Variants in RAD51B observed in about 807,000 individuals in gnomAD.
RAD51B encodes DNA repair protein RAD51 homolog 2.
Under a neutral mutation model 42.2 loss-of-function variants are expected in RAD51B, and 38 were observed. The ratio of observed to expected loss-of-function variants is 0.90; its 90% CI spans 0.70 to 1.18. RAD51B has a LOEUF of 1.18. Among genes scored for constraint, RAD51B ranks in the 50% most tolerant of loss-of-function variants. The pLI is 0.00. For synonymous variants in RAD51B, 154 were observed against 145.2 expected (o/e 1.06, Z -0.43); for missense variants, 373 against 400.7 (o/e 0.93, Z 0.59).
At chr14:68,545,637 A>C in intron 10 of RAD51B, 1 of 455,950 alleles carries the variant, frequency 2.2e-6, no homozygotes, top group South Asian at 1.5e-5. Context: ...AAGAACGGGG[A>C]CAGGGCATGC....
At chr14:67,895,598 TG>T (rs2043386471) in intron 7 of RAD51B, among the ~76,000 whole-genome samples, 2 of 152,226 alleles carry the variant, frequency 1.3e-5, no homozygotes, top group Non-Finnish European at 2.9e-5. Context: ...ATAAGCAGTA[TG>T]GGGGCAGAGA....
At chr14:68,290,818 T>G (rs187498139) in intron 7 of RAD51B, among the ~76,000 whole-genome samples, 1 of 152,010 alleles carries the variant, frequency 6.6e-6, no homozygotes, top group Non-Finnish European at 1.5e-5. Context: ...ATTTATTTAT[T>G]TATTTGAGAC....
At chr14:68,276,370 T>A (rs1205557163) in intron 7 of RAD51B, among the ~76,000 whole-genome samples, 2 of 152,226 alleles carry the variant, frequency 1.3e-5, no homozygotes, top group Non-Finnish European at 2.9e-5. Context: ...TTTTCATGGA[T>A]TACTTGCTAC....
intron 7 of RAD51B, among the ~76,000 whole-genome samples, chr14:68,067,830 G>T (rs1162759361): frequency 6.6e-6 from 1 of 150,906 alleles, no homozygotes; most frequent in South Asian, 2.1e-4. Flanking sequence ...TACTAGGGAG[G>T]CTGAGGCAGG....
intron 10 of RAD51B, among the ~76,000 whole-genome samples, chr14:68,587,865 T>A (rs1566946609): frequency 6.6e-6 from 1 of 152,216 alleles, no homozygotes; most frequent in Non-Finnish European, 1.5e-5. Flanking sequence ...GTGGGAAAGC[T>A]GCACTGAAGA....
intron 10 of RAD51B, among the ~76,000 whole-genome samples, chr14:68,524,136 T>C (rs943808115): frequency 2.0e-5 from 3 of 152,182 alleles, no homozygotes; most frequent in African/African-American, 7.2e-5. Flanking sequence ...ATTATCCTTA[T>C]ATTGCAGACA....
intron 10 of RAD51B, among the ~76,000 whole-genome samples, chr14:68,559,005 G>GTA (rs976531817): frequency 8.6e-5 from 13 of 151,022 alleles, no homozygotes; most frequent in East Asian, 1.9e-4. Context: ...ATATTTACAT[G>GTA]TATATATATA....
intron 8 of RAD51B, among the ~76,000 whole-genome samples, chr14:68,362,553 A>G (rs1242396284): frequency 1.3e-5 from 2 of 152,170 alleles, no homozygotes; most frequent in African/African-American, 2.4e-5. Flanking sequence ...CCAGACCTGA[A>G]AGAAACATAA....
rs1379473942 is a variant in RAD51B, at chr14:67,887,223, C to G, written c.756+19C>G. The G allele has an allele frequency of 1.9e-6, 3 of 1,564,906 alleles. No individual in the cohort carries two copies. The highest frequency in any genetic ancestry group is 2.6e-6 in the Non-Finnish European group (3 of 1,143,940). On this transcript the variant is annotated intron_variant, in intron 7 of 10. Coordinates refer to ENST00000471583, the MANE Select transcript of RAD51B (RefSeq NM_133510.4). ...AATCCCAGTAAGTTTTTCTTTTTTT[C>G]TCTTTTTTCTTTTCCTTTCTTTTGT...
intron 7 of RAD51B, among the ~76,000 whole-genome samples, chr14:68,230,558 C>A (rs2080128038): frequency 6.6e-6 from 1 of 152,122 alleles, no homozygotes; most frequent in Non-Finnish European, 1.5e-5. Flanking sequence ...GGGGTGGTTA[C>A]CCAAAGCCAA....
At chr14:67,977,311 A>G (rs573499296) in intron 7 of RAD51B, among the ~76,000 whole-genome samples, 1 of 152,348 alleles carries the variant, frequency 6.6e-6, no homozygotes, top group Admixed American at 6.5e-5. Context: ...AGTGAATTTT[A>G]ACTGCTAGAG....
intron 8 of RAD51B, among the ~76,000 whole-genome samples, chr14:68,324,470 C>T (rs1323372277): frequency 6.6e-6 from 1 of 152,158 alleles, no homozygotes. Context: ...GGCACACAGC[C>T]CAGCACATGA....
intron 8 of RAD51B, among the ~76,000 whole-genome samples, chr14:68,325,729 A>G (rs1023742398): frequency 1.3e-5 from 2 of 152,102 alleles, no homozygotes; most frequent in Admixed American, 6.6e-5. Flanking sequence ...GCTAAATACC[A>G]CACCAAGGGA....
At chr14:68,030,320 C>T (rs1353848296) in intron 7 of RAD51B, among the ~76,000 whole-genome samples, 1 of 152,180 alleles carries the variant, frequency 6.6e-6, no homozygotes, top group East Asian at 1.9e-4. Context: ...GTTTTGTTTG[C>T]ATGAAAACTC....
chr14:67,919,847 A>C (rs2044266078), intron 7 of RAD51B, among the ~76,000 whole-genome samples: 1 of 152,222 alleles, frequency 6.6e-6, no homozygotes, highest in South Asian at 2.1e-4. Context: ...AGGCTCAGAA[A>C]CCTAGTATTT....
At chr14:68,129,131 A>G (rs541128766) in intron 7 of RAD51B, among the ~76,000 whole-genome samples, 2 of 152,286 alleles carry the variant, frequency 1.3e-5, no homozygotes, top group South Asian at 4.1e-4. Flanking sequence ...CGGCTCTGAG[A>G]TGTTAACTTA....
At chr14:68,029,096 G>T (rs1416051619) in intron 7 of RAD51B, among the ~76,000 whole-genome samples, 1 of 152,262 alleles carries the variant, frequency 6.6e-6, no homozygotes, top group Admixed American at 6.5e-5. Flanking sequence ...GGGCTGGGAA[G>T]TAGCCCTAGG....
At chr14:68,143,804 G>GT (rs141366826) in intron 7 of RAD51B, among the ~76,000 whole-genome samples, 1,691 of 152,324 alleles carry the variant, frequency 0.011, 41 homozygotes, top group African/African-American at 0.039. Context: ...GAAGGGTATT[G>GT]TAAGTGTGTG....
At chr14:68,465,951 A>AAAAAAAAT (rs368641918) in intron 9 of RAD51B, among the ~76,000 whole-genome samples, 3 of 90,510 alleles carry the variant, frequency 3.3e-5, no homozygotes, top group African/African-American at 9.9e-5. Flanking sequence ...AAAAAAAAAA[A>AAAAAAAAT]AAATAAATAA....
Sources: allele counts gnomAD v4.1 joint callset (sites outside exome capture counted in the v4.1 genomes callset), GRCh38; gene constraint gnomAD v4.1.1; transcripts MANE v1.5; gene names NCBI Gene and HGNC (gene_info 2026-07-23, HGNC 2026-07-21).